The following KSR2 variants were observed in gnomAD, a reference collection of about 807,000 sequenced individuals.
KSR2 encodes kinase suppressor of ras 2.
KSR2 carries 25 observed loss-of-function variants against 107.8 expected under a neutral mutation model. The ratio of observed to expected loss-of-function variants is 0.23; its 90% CI spans 0.17 to 0.32. The LOEUF is 0.32. Among genes scored for constraint, KSR2 ranks in the 10% least tolerant of loss-of-function variants. KSR2 has a pLI of 1.00. For missense variants in KSR2, 887 were observed against 1,268.9 expected (o/e 0.70, Z 4.57); for synonymous variants, 480 against 507.0 (o/e 0.95, Z 0.71).
At chr12:117,797,926 C>T (rs1258781206) in intron 3 of KSR2, among the ~76,000 whole-genome samples, 1 of 152,108 alleles carries the variant, frequency 6.6e-6, no homozygotes, top group African/African-American at 2.4e-5. Flanking sequence ...GCGAGGATTA[C>T]AGACATGAAC....
intron 3 of KSR2, among the ~76,000 whole-genome samples, chr12:117,769,631 A>G (rs1388873302): frequency 6.6e-6 from 1 of 152,238 alleles, no homozygotes; most frequent in Non-Finnish European, 1.5e-5. Flanking sequence ...CCTAGCACAC[A>G]GTCAATGTTG....
At position 117,505,582 on chromosome 12, in the gene KSR2, T is replaced by A. The variant is rs578245187; in HGVS notation, c.2219+19270A>T. On this transcript the variant is annotated intron_variant, in intron 14 of 19. Transcript: ENST00000339824. ...GTTGCAAGCATCCAATAGCGTAAAG[T>A]ATGTATAATGTGCTCAGCACACTGC... Among the ~76,000 whole-genome samples, 7 of 152,342 alleles carry A rather than the reference T, an allele frequency of 4.6e-5. No homozygotes were observed. In the South Asian group the frequency reaches 1.4e-3, roughly 32 times the overall value.
chr12:117,855,512 T>A lies in KSR2; in HGVS notation c.388A>T (p.Thr130Ser). ...CGGTTGGCTCCGTATTTCTCCACAG[T>A]CTCGCACACCTGTTCATCCGTCATC... Reference protein sequence around the residue: ...LEMTDEQVCETVEKYGANREE... With the variant: ...LEMTDEQVCESVEKYGANREE... Residue 130 changes from threonine (T) to serine (S), a missense_variant, in exon 3 of 20, where the codon ACT becomes TCT. This residue lies in a region of KSR2 where 399 missense variants were observed against 479.5 expected (regional missense o/e 0.83). Coordinates refer to ENST00000339824, the MANE Select transcript of KSR2 (RefSeq NM_173598.6). 1 of 1,613,972 alleles carries A rather than the reference T, an allele frequency of 6.2e-7. No individual in the cohort carries two copies. Among genetic ancestry groups the A allele is most frequent in the Non-Finnish European group, 8.5e-7 (1 of 1,179,860 alleles).
At chr12:117,601,298 G>A (rs1035414350) in intron 5 of KSR2, among the ~76,000 whole-genome samples, 2 of 142,970 alleles carry the variant, frequency 1.4e-5, no homozygotes, top group African/African-American at 5.3e-5. Flanking sequence ...AAGATCTTGG[G>A]GGGGGGGGTA....
intron 7 of KSR2, among the ~76,000 whole-genome samples, chr12:117,559,691 T>C (rs1877976231): frequency 1.3e-5 from 2 of 152,332 alleles, no homozygotes; most frequent in South Asian, 4.1e-4. Flanking sequence ...AATGTCTTCC[T>C]TTGAGAGGAG....
At chr12:117,551,755 G>A (rs904979883) in intron 9 of KSR2, among the ~76,000 whole-genome samples, 3 of 152,112 alleles carry the variant, frequency 2.0e-5, no homozygotes, top group Admixed American at 1.3e-4. Flanking sequence ...AGAAGGGAAA[G>A]AGGGGAAAAA....
Position 117,467,145 on chromosome 12 carries a change from G to A in KSR2, c.*54C>T, listed in dbSNP as rs1871185036. 1.5e-6 allele frequency: 1 copy of A among 666,318 alleles called. No individual in the cohort carries two copies. Among genetic ancestry groups the A allele is most frequent in the African/African-American group, 1.9e-5 (1 of 53,760 alleles). 41.3% of individuals were successfully genotyped at this position (666,318 alleles called of 1,614,324 possible). ...CTGAGCTGGCAGAGGACAGAGTAGG[G>A]AGGGAGAGGTGACGGGAGCCCAGGC... On this transcript the variant is annotated 3_prime_UTR_variant, in exon 20 of 20. Coordinates refer to ENST00000339824, the MANE Select transcript of KSR2 (RefSeq NM_173598.6).
chr12:117,660,965 T>C (rs552205435), intron 5 of KSR2, among the ~76,000 whole-genome samples: 6 of 152,270 alleles, frequency 3.9e-5, no homozygotes, highest in Admixed American at 3.3e-4. Context: ...GGGGCAAGTG[T>C]GCAGGGCACA....
chr12:117,685,335 C>T (rs1036518645), intron 4 of KSR2, among the ~76,000 whole-genome samples: 1 of 152,224 alleles, frequency 6.6e-6, no homozygotes. Flanking sequence ...TGAACCAGAG[C>T]TCGTGACAGC....
intron 3 of KSR2, among the ~76,000 whole-genome samples, chr12:117,808,436 AT>A (rs1179192755): frequency 6.6e-6 from 1 of 152,090 alleles, no homozygotes; most frequent in Non-Finnish European, 1.5e-5. Context: ...TGAGGAAGTT[AT>A]TTAACCCCTC....
chr12:117,882,903 A>G (rs568699279), intron 1 of KSR2, among the ~76,000 whole-genome samples: 148 of 152,138 alleles, frequency 9.7e-4, no homozygotes, highest in African/African-American at 3.5e-3. Flanking sequence ...CCACCCATCC[A>G]TTCATCCATC....
intron 4 of KSR2, among the ~76,000 whole-genome samples, chr12:117,727,009 G>T (rs575307650): frequency 3.3e-5 from 5 of 152,172 alleles, no homozygotes; most frequent in Non-Finnish European, 7.4e-5. Context: ...TTGGAAGTAG[G>T]GGTTTTGCAG....
intron 5 of KSR2, among the ~76,000 whole-genome samples, chr12:117,643,611 T>G (rs1396709301): frequency 6.6e-6 from 1 of 152,198 alleles, no homozygotes; most frequent in African/African-American, 2.4e-5. Context: ...CTCACTACAT[T>G]GCCATTATTT....
intron 4 of KSR2, among the ~76,000 whole-genome samples, chr12:117,736,485 C>T (rs1029172159): frequency 1.1e-4 from 17 of 152,156 alleles, no homozygotes; most frequent in Admixed American, 1.3e-4. Context: ...ATCCCATCCT[C>T]GTCTCATCCA....
chr12:117,963,135 A>T (rs1896704033), intron 1 of KSR2, among the ~76,000 whole-genome samples: 1 of 152,014 alleles, frequency 6.6e-6, no homozygotes, highest in African/African-American at 2.4e-5. Flanking sequence ...GGTTGCAATG[A>T]GCCGAGATCA....
intron 4 of KSR2, among the ~76,000 whole-genome samples, chr12:117,756,515 A>C (rs919027765): frequency 1.3e-5 from 2 of 152,230 alleles, no homozygotes; most frequent in Non-Finnish European, 2.9e-5. Flanking sequence ...CCGACTGTTT[A>C]GAAAAAACAA....
intron 4 of KSR2, among the ~76,000 whole-genome samples, chr12:117,698,289 G>A (rs964507841): frequency 1.1e-4 from 16 of 151,862 alleles, no homozygotes; most frequent in East Asian, 1.9e-4. Flanking sequence ...CTCCCGAGAC[G>A]TCCCACTGTT....
At chr12:117,923,536 A>G (rs1461113246) in intron 1 of KSR2, among the ~76,000 whole-genome samples, 1 of 152,162 alleles carries the variant, frequency 6.6e-6, no homozygotes, top group East Asian at 1.9e-4. Context: ...ATGGTGGCAC[A>G]TGCCAGCAGT....
chr12:117,945,522 T>C (rs1166612361), intron 1 of KSR2, among the ~76,000 whole-genome samples: 1 of 151,876 alleles, frequency 6.6e-6, no homozygotes, highest in Admixed American at 6.6e-5. Context: ...ATACAAAAAT[T>C]AGCCGGACGT....
Sources: allele counts gnomAD v4.1 joint callset (sites outside exome capture counted in the v4.1 genomes callset), GRCh38; gene constraint gnomAD v4.1.1; regional missense constraint gnomAD v4.1.1; transcripts MANE v1.5; gene names NCBI Gene and HGNC (gene_info 2026-07-23, HGNC 2026-07-21).